STON2: variants seen among roughly 807,000 people sequenced by gnomAD.
The protein encoded by STON2 is stonin 2, also known as stonin-2.
STON2 carries 29 observed loss-of-function variants against 65.7 expected under a neutral mutation model. The ratio of observed to expected loss-of-function variants is 0.44; its 90% confidence interval spans 0.33 to 0.60. The LOEUF (loss-of-function observed/expected upper bound fraction) is 0.60, where lower values mean the gene tolerates loss of function less well. Among genes scored for constraint, STON2 ranks in the 20% least tolerant of loss-of-function variants. STON2 has a pLI of 0.03. For missense variants in STON2, 1,054 were observed against 1,118.1 expected (o/e 0.94, Z 0.82); for synonymous variants, 404 against 414.2 (o/e 0.98, Z 0.30).
rs901951499 is a variant in STON2, at chr14:81,310,643, T to C, written c.742+13374A>G. Among the ~76,000 whole-genome samples the C allele has an allele frequency of 8.0e-4, 122 of 152,354 alleles. 2 individuals carry two copies. Among genetic ancestry groups the C allele is most frequent in the Non-Finnish European group, 2.2e-4 (15 of 68,036 alleles). ...TATTCCAGGCCCTAAAATCATGTTTTATATACACATCTCATTTAATATTCA... is the reference window on the plus strand; with the variant it reads ...TATTCCAGGCCCTAAAATCATGTTTCATATACACATCTCATTTAATATTCA... On this transcript the variant is annotated intron_variant, in intron 5 of 7. Coordinates refer to ENST00000614646, the MANE Select transcript of STON2 (RefSeq NM_001394390.1).
Position 81,288,439 on chromosome 14 carries a change from C to T in STON2, c.743-9700G>A, listed in dbSNP as rs558933636. On this transcript the variant is annotated intron_variant, in intron 5 of 7. Coordinates refer to ENST00000614646, the MANE Select transcript of STON2 (RefSeq NM_001394390.1). Reference sequence around the variant, plus strand: ...TAGCCTATTGCTCCTAAGCTACAAACGTGTACAGCATGTTACTGTACTGAA... The same window carrying T: ...TAGCCTATTGCTCCTAAGCTACAAATGTGTACAGCATGTTACTGTACTGAA... 7.9e-5 allele frequency among the ~76,000 whole-genome samples: 12 copies of T among 152,286 alleles called. No homozygotes were observed. The South Asian group carries it at 1.9e-3, about 24-fold the overall frequency.
chr14:81,355,087 T>A (rs560544732), intron 4 of STON2, among the ~76,000 whole-genome samples: 1 of 151,138 alleles, frequency 6.6e-6, no homozygotes, highest in Non-Finnish European at 1.5e-5. Context: ...AATTATCCAT[T>A]CAGAAGAGAA....
chr14:81,265,537 C>T lies in STON2; in HGVS notation c.*2877G>A. The T allele has an allele frequency of 3.4e-6, 1 of 295,844 alleles. No individual in the cohort carries two copies. The highest frequency in any genetic ancestry group is 5.0e-6 in the Non-Finnish European group (1 of 199,814). 18.3% of individuals were successfully genotyped at this position (295,844 alleles called of 1,614,324 possible). Reference sequence around the variant, plus strand: ...GTGCATGGTGGCAGGCGCCTGTAATCCCAGCTACTCAGGAGGCTGAGGCAG... The same window carrying T: ...GTGCATGGTGGCAGGCGCCTGTAATTCCAGCTACTCAGGAGGCTGAGGCAG... On this transcript the variant is annotated 3_prime_UTR_variant, in exon 8 of 8. Transcript: ENST00000614646.
At chr14:81,359,627 A>T (rs1898401492) in intron 4 of STON2, among the ~76,000 whole-genome samples, 1 of 152,168 alleles carries the variant, frequency 6.6e-6, no homozygotes, top group Non-Finnish European at 1.5e-5. Flanking sequence ...ATGAACTTTT[A>T]GCTAGACTAA....
At chr14:81,354,658 C>CA (rs1026406140) in intron 4 of STON2, among the ~76,000 whole-genome samples, 11 of 151,896 alleles carry the variant, frequency 7.2e-5, no homozygotes, top group African/African-American at 2.7e-4. Flanking sequence ...AGAATTTTGA[C>CA]AAAAAAATAG....
intron 7 of STON2, chr14:81,270,459 A>T: frequency 6.8e-7 from 1 of 1,476,964 alleles, no homozygotes; most frequent in Admixed American, 2.6e-5. Flanking sequence ...GAGCCTCTTT[A>T]TTTTTTTCCA....
At chr14:81,291,945 T>C (rs1449941993) in intron 5 of STON2, among the ~76,000 whole-genome samples, 2 of 151,744 alleles carry the variant, frequency 1.3e-5, no homozygotes, top group Admixed American at 6.6e-5. Context: ...TAGGCTATTA[T>C]AGCCAGAAAA....
At chr14:81,333,752 C>A (rs1897284835) in intron 4 of STON2, among the ~76,000 whole-genome samples, 1 of 152,172 alleles carries the variant, frequency 6.6e-6, no homozygotes, top group Non-Finnish European at 1.5e-5. Context: ...TCATATTCCA[C>A]TGTATTAAGC....
At chr14:81,364,227 C>T (rs1056210581) in intron 4 of STON2, among the ~76,000 whole-genome samples, 3 of 152,166 alleles carry the variant, frequency 2.0e-5, no homozygotes, top group Non-Finnish European at 4.4e-5. Context: ...CCGTTAAATG[C>T]AAATGAATCA....
In STON2 at chr14:81,278,270, A is replaced by C; in HGVS notation, c.1212T>G (p.Ile404Met). 1 of 1,614,098 alleles carries C rather than the reference A, an allele frequency of 6.2e-7. No homozygotes were observed. Among genetic ancestry groups the C allele is most frequent in the East Asian group, 2.2e-5 (1 of 44,866 alleles). Residue 404 changes from isoleucine to methionine, a missense_variant, in exon 6 of 8, where the codon ATT becomes ATG. Ile to Met is a conservative substitution (Grantham distance 10, BLOSUM62 1). Coordinates refer to ENST00000614646, the MANE Select transcript of STON2 (RefSeq NM_001394390.1). ...EQERRSQNSS[I>M]SSTTGKSQRD... ...TTTGGCTTTTGCCCGTGGTACTGGA[A>C]ATGGAACTGTTTTGGGAGCGCCTCT...
chr14:81,407,825 A>G (rs902080535), intron 2 of STON2, among the ~76,000 whole-genome samples: 1 of 152,254 alleles, frequency 6.6e-6, no homozygotes, highest in Admixed American at 6.5e-5. Context: ...CTTATTGAGC[A>G]TCTATTATGC....
chr14:81,327,402 G>C (rs866020255), intron 4 of STON2, among the ~76,000 whole-genome samples: 1 of 151,946 alleles, frequency 6.6e-6, no homozygotes, highest in Non-Finnish European at 1.5e-5. Flanking sequence ...TTTTGATCAT[G>C]GTATGATTTA....
chr14:81,417,430 T>G (rs12895006), intron 2 of STON2, among the ~76,000 whole-genome samples: 70,118 of 152,014 alleles, frequency 0.46, 18,048 homozygotes, highest in Non-Finnish European at 0.59. Flanking sequence ...CAGGAATCCT[T>G]GGTCTTGTTC....
intron 5 of STON2, among the ~76,000 whole-genome samples, chr14:81,280,613 A>G (rs923194934): frequency 2.6e-5 from 4 of 152,172 alleles, no homozygotes; most frequent in African/African-American, 9.6e-5. Context: ...GCCGCACATA[A>G]TTGCACATAA....
chr14:81,402,281 G>A (rs1367752607), upstream of STON2, among the ~76,000 whole-genome samples: 2 of 152,246 alleles, frequency 1.3e-5, no homozygotes, highest in Admixed American at 6.5e-5. Flanking sequence ...ACAAAGTTGG[G>A]GGGCACAGTC....
At chr14:81,288,222 T>G (rs1895414958) in intron 5 of STON2, among the ~76,000 whole-genome samples, 1 of 152,206 alleles carries the variant, frequency 6.6e-6, no homozygotes, top group Non-Finnish European at 1.5e-5. Flanking sequence ...CATTTTCAAC[T>G]GTAGAGTGTA....
At chr14:81,390,675 C>T (rs901144298) in intron 3 of STON2, among the ~76,000 whole-genome samples, 7 of 152,232 alleles carry the variant, frequency 4.6e-5, no homozygotes, top group Non-Finnish European at 8.8e-5. Flanking sequence ...CAGCCTTATG[C>T]AAAGGGTTCC....
At position 81,370,982 on chromosome 14, in the gene STON2, T is replaced by A. The variant is rs1898958091; in HGVS notation, c.571+6A>T. On this transcript the variant is annotated splice_donor_region_variant and intron_variant, in intron 4 of 7. Transcript: ENST00000614646. ...CAAAGCCCTCTGGCTTAGAGCTCCA[T>A]CTTACCAGTTGAGTCAGCCCCAGAA... 4 of 1,611,842 alleles carry A rather than the reference T, an allele frequency of 2.5e-6. No individual in the cohort carries two copies. In the East Asian group the frequency reaches 6.7e-5, roughly 27 times the overall value.
intron 4 of STON2, among the ~76,000 whole-genome samples, chr14:81,347,242 A>G (rs1319505565): frequency 6.6e-6 from 1 of 152,116 alleles, no homozygotes; most frequent in Non-Finnish European, 1.5e-5. Flanking sequence ...AAAAGGATAC[A>G]TTAAAACCAA....
Sources: gnomAD v4.1 joint callset for allele counts (sites outside exome capture counted in the v4.1 genomes callset) on GRCh38, gnomAD v4.1.1 for gene constraint, MANE v1.5 for transcripts, NCBI Gene and HGNC (gene_info 2026-07-23, HGNC 2026-07-21) for gene names.